The following HERC3 variants were observed in gnomAD, a reference collection of about 807,000 sequenced individuals.
HERC3 encodes the protein HECT and RLD domain containing E3 ubiquitin protein ligase 3.
A neutral mutation model predicts 129.9 loss-of-function variants in HERC3; 58 were observed. That is an observed-to-expected ratio of 0.45 (90% CI 0.36 to 0.56). The LOEUF is 0.56. Ranked by LOEUF, HERC3 falls within the 20% of genes least tolerant of loss-of-function variation. The pLI, the probability that HERC3 is intolerant of heterozygous loss-of-function variation, is 0.00. For missense variants in HERC3, 835 were observed against 1,244.2 expected, an observed-to-expected ratio of 0.67 and a Z score of 4.95; for synonymous variants, 430 against 451.0, an observed-to-expected ratio of 0.95 and a Z score of 0.59.
At position 88,676,407 on chromosome 4, in the gene HERC3, C is replaced by T; in HGVS notation, c.2009C>T (p.Ala670Val). Residue 670 changes from alanine (A) to valine (V), a missense_variant, in exon 18 of 26, where the codon GCT becomes GTT. Transcript: ENST00000402738. ...AAGACCAAAATGTTACAGACAGATGCTGAACTACAGATGCAGGTATCATAT... is the reference window on the plus strand; with the variant it reads ...AAGACCAAAATGTTACAGACAGATGTTGAACTACAGATGCAGGTATCATAT... ...QAKTKMLQTDAELQMQVAVNG... is the reference protein window; with the variant it reads ...QAKTKMLQTDVELQMQVAVNG... 1.9e-6 allele frequency: 3 copies of T among 1,606,138 alleles called. No individual in the cohort carries two copies. The highest frequency in any genetic ancestry group is 2.6e-6 in the Non-Finnish European group (3 of 1,172,816).
chr4:88,542,398 G>C, the HERC3 span, among the ~76,000 whole-genome samples: 1 of 152,146 alleles, frequency 6.6e-6, no homozygotes, highest in Admixed American at 6.5e-5. Context: ...CCAGGAAGAA[G>C]TTGAATCTCT....
At chr4:88,697,883 G>T (rs1285018044) in intron 23 of HERC3, 1 of 1,309,518 alleles carries the variant, frequency 7.6e-7, no homozygotes, top group Non-Finnish European at 1.0e-6. Context: ...GTTGGCCGCG[G>T]CCCCGCCTCC....
chr4:88,672,549 T>C (rs1171734408), intron 16 of HERC3, among the ~76,000 whole-genome samples: 2 of 152,242 alleles, frequency 1.3e-5, no homozygotes, highest in Non-Finnish European at 2.9e-5. Context: ...TACTTTTAAA[T>C]AATAGATGGA....
chr4:88,694,335 A>G (rs1181398390), intron 23 of HERC3, among the ~76,000 whole-genome samples: 2 of 152,214 alleles, frequency 1.3e-5, no homozygotes, highest in African/African-American at 4.8e-5. Flanking sequence ...TATGATTCAT[A>G]GGAACTCTTC....
At chr4:88,668,152 G>A (rs1731240162) in intron 14 of HERC3, 71 bp downstream of exon 14, 3 of 1,184,028 alleles carry the variant, frequency 2.5e-6, no homozygotes, top group South Asian at 2.6e-5. Context: ...CTGGCTCTCA[G>A]TGGATTGAGA....
intron 3 of HERC3, among the ~76,000 whole-genome samples, chr4:88,642,966 C>A (rs988072920): frequency 5.3e-5 from 8 of 152,074 alleles, no homozygotes; most frequent in South Asian, 2.1e-4. Flanking sequence ...AGAAAAAAAA[C>A]CATCTCTATT....
At chr4:88,698,882 T>C in intron 23 of HERC3, among the ~76,000 whole-genome samples, 1 of 105,448 alleles carries the variant, frequency 9.5e-6, no homozygotes. Flanking sequence ...TTCCTCACCC[T>C]CTTCTTCCCC....
rs1578363661 is a variant in HERC3 at position 88,707,283 on chromosome 4, T to A, written c.*323T>A. 3.4e-6 allele frequency: 1 copy of A among 291,776 alleles called. No homozygotes were observed. Among genetic ancestry groups the A allele is most frequent in the East Asian group, 8.8e-5 (1 of 11,426 alleles). 18.1% of individuals were successfully genotyped at this position (291,776 alleles called of 1,614,324 possible). A position where few individuals can be genotyped will look rare whatever the true frequency, so the allele number is the denominator to read the frequency against. On this transcript the variant is annotated 3_prime_UTR_variant, in exon 26 of 26. Coordinates refer to ENST00000402738, the MANE Select transcript of HERC3 (RefSeq NM_014606.3). ...TGAAATGGCAGTGGATTTTTAAACT[T>A]TAATTTCCCAAATGTCTCTCTCAGC...
chr4:88,597,349 A>C (rs1400951669), intron 2 of HERC3, among the ~76,000 whole-genome samples: 1 of 152,252 alleles, frequency 6.6e-6, no homozygotes, highest in Non-Finnish European at 1.5e-5. Context: ...ATTATCACAG[A>C]AAGTTCCAAG....
chr4:88,540,271 A>G, the HERC3 span, among the ~76,000 whole-genome samples: 1 of 152,230 alleles, frequency 6.6e-6, no homozygotes. Context: ...GGAGCTGAAA[A>G]CCACAGTGCG....
At chr4:88,563,056 A>G in the HERC3 span, among the ~76,000 whole-genome samples, 1 of 152,148 alleles carries the variant, frequency 6.6e-6, no homozygotes, top group Non-Finnish European at 1.5e-5. Context: ...TGGTATTTTG[A>G]TAGGCATTGC....
intron 3 of HERC3, among the ~76,000 whole-genome samples, chr4:88,611,849 G>T (rs13125418): frequency 6.6e-6 from 1 of 152,164 alleles, no homozygotes; most frequent in African/African-American, 2.4e-5. Context: ...GCACTAGTCT[G>T]GAGGAGAATT....
rs529831648 is a variant in HERC3, at chr4:88,648,442, C to G, written c.227-1398C>G. 1.1e-4 allele frequency among the ~76,000 whole-genome samples: 16 copies of G among 152,312 alleles called. No homozygotes were observed. The South Asian group carries it at 3.1e-3, about 30-fold the overall frequency. ...CTGCCCTTTTGCTCCCCTTGCCTCACATTTCATTCACAGCTGGTGTATGGA... is the reference window on the plus strand; with the variant it reads ...CTGCCCTTTTGCTCCCCTTGCCTCAGATTTCATTCACAGCTGGTGTATGGA... On this transcript the variant is annotated intron_variant, in intron 3 of 25. Transcript: ENST00000402738.
intron 21 of HERC3, among the ~76,000 whole-genome samples, chr4:88,684,544 A>G (rs907554328): frequency 6.6e-6 from 1 of 152,204 alleles, no homozygotes; most frequent in African/African-American, 2.4e-5. Flanking sequence ...AGGCAATACC[A>G]TTCAGGACAT....
chr4:88,625,242 A>G (rs549448153), intron 3 of HERC3, among the ~76,000 whole-genome samples: 2 of 152,148 alleles, frequency 1.3e-5, no homozygotes, highest in South Asian at 2.1e-4. Flanking sequence ...AGCTACTGGG[A>G]TTTTCATTAG....
intron 3 of HERC3, among the ~76,000 whole-genome samples, chr4:88,614,992 T>C (rs553247693): frequency 9.2e-5 from 14 of 152,320 alleles, no homozygotes; most frequent in African/African-American, 3.4e-4. Context: ...TACTGAATTC[T>C]GAATTCTAAC....
chr4:88,633,370 G>A (rs1404754563), intron 3 of HERC3, among the ~76,000 whole-genome samples: 1 of 152,170 alleles, frequency 6.6e-6, no homozygotes, highest in Non-Finnish European at 1.5e-5. Flanking sequence ...ATGGTTCAAA[G>A]CATATTTAAG....
At chr4:88,646,609 C>T (rs947979989) in intron 3 of HERC3, among the ~76,000 whole-genome samples, 2 of 152,096 alleles carry the variant, frequency 1.3e-5, no homozygotes, top group South Asian at 2.1e-4. Context: ...ATAGTCTTGA[C>T]GGAATGGATC....
At chr4:88,688,142 A>G (rs528143188) in intron 23 of HERC3, among the ~76,000 whole-genome samples, 1 of 152,340 alleles carries the variant, frequency 6.6e-6, no homozygotes, top group East Asian at 1.9e-4. Flanking sequence ...GTAAGAGGCT[A>G]CAACACTTTT....
Sources: allele counts gnomAD v4.1 joint callset (sites outside exome capture counted in the v4.1 genomes callset), GRCh38; gene constraint gnomAD v4.1.1; transcripts MANE v1.5; gene names NCBI Gene and HGNC (gene_info 2026-07-23, HGNC 2026-07-21).